CYP39A1: variants seen among roughly 807,000 people sequenced by gnomAD.
The protein encoded by CYP39A1 is cytochrome P450 family 39 subfamily A member 1, also known as 24-hydroxycholesterol 7-alpha-hydroxylase.
Under a neutral mutation model 58.1 loss-of-function variants are expected in CYP39A1, and 49 were observed. The ratio of observed to expected loss-of-function variants is 0.84; its 90% CI spans 0.67 to 1.07. CYP39A1 has a LOEUF of 1.07. CYP39A1 is among the 50% of genes least tolerant of loss of function. The pLI is 0.00. For missense variants in CYP39A1, 531 were observed against 539.4 expected (o/e 0.98, Z 0.16); for synonymous variants, 209 against 187.6 (o/e 1.11, Z -0.93).
At chr6:46,643,852 A>C (rs1359658662) in intron 1 of CYP39A1, among the ~76,000 whole-genome samples, 1 of 152,202 alleles carries the variant, frequency 6.6e-6, no homozygotes, top group African/African-American at 2.4e-5. Flanking sequence ...GGTGTTACGA[A>C]GTACAGGCAG....
intron 11 of CYP39A1, among the ~76,000 whole-genome samples, chr6:46,553,349 T>C (rs1770512070): frequency 6.6e-6 from 1 of 152,236 alleles, no homozygotes; most frequent in South Asian, 2.1e-4. Flanking sequence ...AGGTTAGTTT[T>C]TTTCCATGCT....
chr6:46,613,081 C>T (rs1258214555), intron 7 of CYP39A1, among the ~76,000 whole-genome samples: 1 of 152,188 alleles, frequency 6.6e-6, no homozygotes. Context: ...TAAAGTAAAA[C>T]TAATCAACTA....
chr6:46,601,328 C>T (rs1419033610), intron 7 of CYP39A1, among the ~76,000 whole-genome samples: 1 of 152,166 alleles, frequency 6.6e-6, no homozygotes, highest in Non-Finnish European at 1.5e-5. Context: ...ATCATGCTTC[C>T]TACTCCCACC....
chr6:46,597,861 T>A (rs75983987), intron 7 of CYP39A1, among the ~76,000 whole-genome samples: 119 of 152,274 alleles, frequency 7.8e-4, no homozygotes, highest in African/African-American at 2.8e-3. Flanking sequence ...CTATTCTGTA[T>A]TAAATTAAGA....
At position 46,625,515 on chromosome 6, in the gene CYP39A1, A is replaced by G. The variant is rs1379245811; in HGVS notation, c.841-7T>C. On this transcript the variant is annotated splice_region_variant and splice_polypyrimidine_tract_variant and intron_variant, in intron 6 of 11. Coordinates refer to ENST00000275016, the MANE Select transcript of CYP39A1 (RefSeq NM_016593.5). ...CAAGTGTCCAAAATGCAACCTTAAA[A>G]AGAAAAACATATATCAAAAATATGA... The G allele has an allele frequency of 6.3e-7, 1 of 1,599,116 alleles. No individual in the cohort carries two copies. The highest frequency in any genetic ancestry group is 8.6e-7 in the Non-Finnish European group (1 of 1,169,478).
chr6:46,648,355 C>T (rs1421671999), intron 1 of CYP39A1, among the ~76,000 whole-genome samples: 2 of 151,886 alleles, frequency 1.3e-5, no homozygotes, highest in South Asian at 2.1e-4. Context: ...AGTTCATGTC[C>T]TTTGTAAGGA....
chr6:46,619,426 T>C (rs796433413), intron 7 of CYP39A1, among the ~76,000 whole-genome samples: 24 of 152,176 alleles, frequency 1.6e-4, no homozygotes, highest in African/African-American at 5.8e-4. Context: ...GTGGGGTAAA[T>C]ACATAAATAC....
At chr6:46,556,026 C>T (rs1443743359) in intron 10 of CYP39A1, among the ~76,000 whole-genome samples, 1 of 152,202 alleles carries the variant, frequency 6.6e-6, no homozygotes, top group African/African-American at 2.4e-5. Flanking sequence ...GAAAAAACAA[C>T]TTTGCTAACT....
intron 10 of CYP39A1, among the ~76,000 whole-genome samples, chr6:46,578,323 A>G (rs1771948134): frequency 6.6e-6 from 1 of 152,112 alleles, no homozygotes; most frequent in African/African-American, 2.4e-5. Flanking sequence ...ACAAGAAGTT[A>G]GAAAGATCTC....
chr6:46,652,097 A>C (rs1374497424), intron 1 of CYP39A1, among the ~76,000 whole-genome samples: 2 of 152,266 alleles, frequency 1.3e-5, no homozygotes, highest in Non-Finnish European at 2.9e-5. Context: ...TTTCCCAATT[A>C]CTGAAAACAT....
At chr6:46,566,605 C>G (rs1458584522) in intron 10 of CYP39A1, among the ~76,000 whole-genome samples, 1 of 152,066 alleles carries the variant, frequency 6.6e-6, no homozygotes, top group African/African-American at 2.4e-5. Flanking sequence ...GGGGATTATA[C>G]AGATTACAAT....
intron 7 of CYP39A1, among the ~76,000 whole-genome samples, chr6:46,618,623 C>T (rs1488378062): frequency 6.6e-6 from 1 of 152,000 alleles, no homozygotes; most frequent in Admixed American, 6.6e-5. Context: ...ATACGGATTA[C>T]TGGGCTTGAA....
intron 7 of CYP39A1, among the ~76,000 whole-genome samples, chr6:46,599,776 T>C (rs1773379463): frequency 6.6e-6 from 1 of 152,114 alleles, no homozygotes; most frequent in African/African-American, 2.4e-5. Flanking sequence ...GAGCTCCAGA[T>C]TATTGTTATC....
Position 46,605,380 on chromosome 6 carries a change from T to C in CYP39A1, c.932-9260A>G, listed in dbSNP as rs372117583. ...CAATGATAGGTCACTGATAACCTAG[T>C]AGAGTGTCAAGGAAAATTCTTTGGC... On this transcript the variant is annotated intron_variant, in intron 7 of 11. Coordinates refer to ENST00000275016, the MANE Select transcript of CYP39A1 (RefSeq NM_016593.5). Among the ~76,000 whole-genome samples, 104 of 152,292 alleles carry C rather than the reference T, an allele frequency of 6.8e-4. 1 individual carries two copies. In the South Asian group the frequency reaches 0.019, roughly 27 times the overall value.
chr6:46,587,920 C>T (rs778504022), intron 9 of CYP39A1, 114 bp downstream of exon 9: 216 of 551,818 alleles, frequency 3.9e-4, no homozygotes, highest in Non-Finnish European at 2.6e-4. Flanking sequence ...TTCTTAGTTA[C>T]GAGAGAAATA....
intron 10 of CYP39A1, among the ~76,000 whole-genome samples, chr6:46,556,697 A>T (rs189080518): frequency 1.3e-3 from 191 of 152,304 alleles, no homozygotes; most frequent in South Asian, 2.5e-3. Context: ...CTCTGGATTT[A>T]CCTTACTGAA....
At chr6:46,623,196 C>A (rs1429150116) in intron 7 of CYP39A1, among the ~76,000 whole-genome samples, 5 of 151,996 alleles carry the variant, frequency 3.3e-5, no homozygotes, top group African/African-American at 1.2e-4. Flanking sequence ...TCGGGGGTGC[C>A]CAGATATTTG....
chr6:46,610,895 T>C (rs998771084), intron 7 of CYP39A1, among the ~76,000 whole-genome samples: 3 of 152,214 alleles, frequency 2.0e-5, no homozygotes, highest in African/African-American at 7.2e-5. Context: ...GTCTGATTTC[T>C]TTATGCAAGA....
In CYP39A1 at chr6:46,616,080, C is replaced by G. The variant is rs140277380; in HGVS notation, c.931+9338G>C. ...TCTTTTCTCTCTCTTTCCCTCCCTC[C>G]ATCCCTCCCTCCCTTCTTTCCTTTC... On this transcript the variant is annotated intron_variant, in intron 7 of 11. Coordinates refer to ENST00000275016, the MANE Select transcript of CYP39A1 (RefSeq NM_016593.5). Among the ~76,000 whole-genome samples, 120 of 134,224 alleles carry G rather than the reference C, an allele frequency of 8.9e-4. 2 individuals are homozygous for G. Among genetic ancestry groups the G allele is most frequent in the African/African-American group, 3.2e-3 (117 of 36,814 alleles). The allele number at this position is 134,224 out of a possible 152,430, so 88.1% of individuals were successfully genotyped here.
Sources: allele counts gnomAD v4.1 joint callset (sites outside exome capture counted in the v4.1 genomes callset), GRCh38; gene constraint gnomAD v4.1.1; transcripts MANE v1.5; gene names NCBI Gene and HGNC (gene_info 2026-07-23, HGNC 2026-07-21).